Variants in ABRACL observed in about 807,000 individuals in gnomAD.
The protein encoded by ABRACL is costars family protein ABRACL.
ABRACL carries 4 observed loss-of-function variants against 7.0 expected under a neutral mutation model. The ratio of observed to expected loss-of-function variants is 0.57; its 90% CI spans 0.28 to 1.30. The LOEUF (loss-of-function observed/expected upper bound fraction) is 1.30. ABRACL is among the 50% of genes most tolerant of loss of function. ABRACL has a pLI of 0.10. For synonymous variants in ABRACL, 30 were observed against 36.0 expected, an observed-to-expected ratio of 0.83 and a Z score of 0.60; for missense variants, 104 against 97.3, an observed-to-expected ratio of 1.07 and a Z score of -0.29.
chr6:139,032,105 C>T (rs967184219), intron 1 of ABRACL, among the ~76,000 whole-genome samples: 1 of 152,028 alleles, frequency 6.6e-6, no homozygotes, highest in Admixed American at 6.6e-5. Context: ...GGACTACAGG[C>T]GCCCGCCACC....
Position 139,034,677 on chromosome 6 carries a change from A to G in ABRACL, c.61+456A>G, listed in dbSNP as rs199832788. The G allele has an allele frequency of 7.7e-5, 20 of 258,960 alleles. No individual in the cohort carries two copies. The East Asian group carries it at 1.5e-3, about 20-fold the overall frequency. 16.0% of individuals were successfully genotyped at this position (258,960 alleles called of 1,614,324 possible). A position where few individuals can be genotyped will look rare whatever the true frequency, so the allele number is the denominator to read the frequency against. On this transcript the variant is annotated intron_variant, in intron 2 of 2. Coordinates refer to ENST00000367660, the MANE Select transcript of ABRACL (RefSeq NM_021243.3). Reference sequence around the variant, plus strand: ...TAGGGATTTACATTGAAATTATACTAAATTATACTAAATTGTCTTTATTTT... The same window carrying G: ...TAGGGATTTACATTGAAATTATACTGAATTATACTAAATTGTCTTTATTTT...
At chr6:139,036,744 G>A (rs1039791807) in intron 2 of ABRACL, among the ~76,000 whole-genome samples, 17 of 152,090 alleles carry the variant, frequency 1.1e-4, no homozygotes, top group African/African-American at 4.1e-4. Context: ...AGCACATCAG[G>A]GGGCCAAGGT....
chr6:139,033,153 G>A (rs2114300833), intron 1 of ABRACL, among the ~76,000 whole-genome samples: 1 of 152,326 alleles, frequency 6.6e-6, no homozygotes, highest in Admixed American at 6.5e-5. Flanking sequence ...TGTGAAGGCT[G>A]GAGGTGAGAG....
chr6:139,039,814 T>C (rs1299640194), intron 2 of ABRACL, among the ~76,000 whole-genome samples: 3 of 152,098 alleles, frequency 2.0e-5, no homozygotes, highest in East Asian at 1.9e-4. Flanking sequence ...TAGGGAGCCA[T>C]TGAAATATTA....
At chr6:139,037,257 A>G (rs1368845884) in intron 2 of ABRACL, among the ~76,000 whole-genome samples, 1 of 151,738 alleles carries the variant, frequency 6.6e-6, no homozygotes, top group East Asian at 1.9e-4. Flanking sequence ...TGGAAAATAT[A>G]ATTTATTTAG....
chr6:139,038,230 A>G lies in ABRACL; in HGVS notation c.61+4009A>G, dbSNP rs570648102. Among the ~76,000 whole-genome samples the G allele has an allele frequency of 2.0e-5, 3 of 152,316 alleles. No homozygotes were observed. The East Asian group carries it at 5.8e-4, about 29-fold the overall frequency. ...ACCTTTACATTACTAGAAGAGTGTCATTATTCTGGTAAGGCAAACTGAAAT... is the reference window on the plus strand; with the variant it reads ...ACCTTTACATTACTAGAAGAGTGTCGTTATTCTGGTAAGGCAAACTGAAAT... On this transcript the variant is annotated intron_variant, in intron 2 of 2. Coordinates refer to ENST00000367660, the MANE Select transcript of ABRACL (RefSeq NM_021243.3).
intron 2 of ABRACL, chr6:139,034,516 G>A (rs1786126448): frequency 2.6e-6 from 3 of 1,164,146 alleles, no homozygotes; most frequent in South Asian, 2.1e-5. Context: ...TTTGGTAATT[G>A]AATCATGTTC....
Position 139,041,531 on chromosome 6 carries a change from A to AT in ABRACL, c.62-1179dup, listed in dbSNP as rs1554211161. 9.1e-3 allele frequency among the ~76,000 whole-genome samples: 1,143 copies of AT among 126,012 alleles called. 22 individuals carry two copies. Among genetic ancestry groups the AT allele is most frequent in the African/African-American group, 0.027 (872 of 32,328 alleles). 82.7% of individuals were successfully genotyped at this position (126,012 alleles called of 152,430 possible). A position where few individuals can be genotyped will look rare whatever the true frequency, so the allele number is the denominator to read the frequency against. On this transcript the variant is annotated intron_variant, in intron 2 of 2. Transcript: ENST00000367660. ...TGTGTGTGTATATATATATATATAT[A>AT]TTTTTTTTTAGGAGAGACATGGTCT...
intron 2 of ABRACL, among the ~76,000 whole-genome samples, chr6:139,035,186 G>A (rs1786135346): frequency 1.3e-5 from 2 of 152,158 alleles, no homozygotes; most frequent in East Asian, 3.8e-4. Context: ...AATATCAAAT[G>A]TCCCCTGCAG....
At chr6:139,040,270 T>C (rs1242222330) in intron 2 of ABRACL, among the ~76,000 whole-genome samples, 1 of 152,084 alleles carries the variant, frequency 6.6e-6, no homozygotes, top group Non-Finnish European at 1.5e-5. Flanking sequence ...CAGTGATGCA[T>C]GTGAGAAACA....
chr6:139,033,742 A>G (rs1245979414), intron 1 of ABRACL, among the ~76,000 whole-genome samples: 2 of 151,790 alleles, frequency 1.3e-5, no homozygotes, highest in Admixed American at 6.6e-5. Flanking sequence ...ATTGCTCTTC[A>G]TTGCAGGCCC....
intron 2 of ABRACL, among the ~76,000 whole-genome samples, chr6:139,041,451 C>CTCTCTCTATATATATATA (rs140091253): frequency 9.1e-6 from 1 of 110,056 alleles, no homozygotes; most frequent in Non-Finnish European, 1.8e-5. Context: ...CTCTCTCTCT[C>CTCTCTCTATATATATATA]TATATATATA....
intron 1 of ABRACL, 103 bp from the exon 2 acceptor site, chr6:139,034,052 A>C: frequency 7.0e-7 from 1 of 1,420,912 alleles, no homozygotes; most frequent in Non-Finnish European, 9.7e-7. Flanking sequence ...TGGTAAATTA[A>C]TAGTGACAGA....
In ABRACL at chr6:139,034,788, T is replaced by A. The variant is rs140332325; in HGVS notation, c.61+567T>A. ...TTTAGGTAGTGTTTAAGAAAAATTA[T>A]CTTTTTCTTCAGCAATAACTAGGCA... On this transcript the variant is annotated intron_variant, in intron 2 of 2. Coordinates refer to ENST00000367660, the MANE Select transcript of ABRACL (RefSeq NM_021243.3). Among the ~76,000 whole-genome samples, 53 of 152,320 alleles carry A rather than the reference T, an allele frequency of 3.5e-4. No homozygotes were observed. The East Asian group carries it at 7.1e-3, about 20-fold the overall frequency.
intron 2 of ABRACL, among the ~76,000 whole-genome samples, chr6:139,041,939 G>A (rs555499338): frequency 3.6e-4 from 54 of 152,064 alleles, no homozygotes; most frequent in Non-Finnish European, 6.8e-4. Context: ...GTCAAGGAAT[G>A]GTCCTCCCCT....
chr6:139,029,933 A>G (rs1359176142), intron 1 of ABRACL, among the ~76,000 whole-genome samples: 1 of 152,118 alleles, frequency 6.6e-6, no homozygotes, highest in Non-Finnish European at 1.5e-5. Context: ...AATACATTCT[A>G]AAGTGTGTAT....
At chr6:139,033,759 G>A (rs1300591218) in intron 1 of ABRACL, among the ~76,000 whole-genome samples, 1 of 152,130 alleles carries the variant, frequency 6.6e-6, no homozygotes, top group Non-Finnish European at 1.5e-5. Context: ...GCCCTCATCT[G>A]CCTTTAGAAT....
intron 1 of ABRACL, among the ~76,000 whole-genome samples, chr6:139,033,823 C>G (rs1786115061): frequency 9.7e-6 from 1 of 102,694 alleles, no homozygotes; most frequent in Non-Finnish European, 2.3e-5. Flanking sequence ...TTTTTGGTGC[C>G]TGGCAGGATA....
chr6:139,040,172 T>C (rs1031763730), intron 2 of ABRACL, among the ~76,000 whole-genome samples: 1 of 152,116 alleles, frequency 6.6e-6, no homozygotes, highest in Admixed American at 6.5e-5. Flanking sequence ...TTCTTCCACA[T>C]TTTTTCTTCC....
Sources: gnomAD v4.1 joint callset for allele counts (sites outside exome capture counted in the v4.1 genomes callset) on GRCh38, gnomAD v4.1.1 for gene constraint, MANE v1.5 for transcripts, NCBI Gene and HGNC (gene_info 2026-07-23, HGNC 2026-07-21) for gene names.